Variants in CPNE5 observed in about 807,000 individuals in gnomAD.
CPNE5 encodes copine 5.
Under a neutral mutation model 81.1 loss-of-function variants are expected in CPNE5, and 42 were observed. The ratio of observed to expected loss-of-function variants is 0.52; its 90% CI spans 0.40 to 0.67. The LOEUF (loss-of-function observed/expected upper bound fraction) is 0.67, where lower values mean the gene tolerates loss of function less well. Ranked by LOEUF, CPNE5 falls within the 30% of genes least tolerant of loss-of-function variation. CPNE5 has a pLI of 0.00. For missense variants in CPNE5, 612 were observed against 815.5 expected (o/e 0.75, Z 3.04); for synonymous variants, 313 against 321.5 (o/e 0.97, Z 0.28).
In CPNE5 at chr6:36,742,353, C is replaced by G. The variant is rs747767268; in HGVS notation, c.1697G>C (p.Arg566Pro). 1 of 1,613,142 alleles carries G rather than the reference C, an allele frequency of 6.2e-7. No individual in the cohort carries two copies. The highest frequency in any genetic ancestry group is 8.5e-7 in the Non-Finnish European group (1 of 1,179,912). Residue 566 changes from arginine (R) to proline (P), a missense_variant, in exon 21 of 21, where the codon CGT becomes CCT. Physicochemically the swap from Arg to Pro is moderately radical, Grantham distance 103. Coordinates refer to ENST00000244751, the MANE Select transcript of CPNE5 (RefSeq NM_020939.2). ...GTGGGTTGGTGCTGCGGGTGGGGGACGCGGGCGAATGCCCTGTGCCTTCAT... is the reference window on the plus strand; with the variant it reads ...GTGGGTTGGTGCTGCGGGTGGGGGAGGCGGGCGAATGCCCTGTGCCTTCAT... ...SYMKAQGIRP[R>P]PPPAAPTHSP... is the part of the protein sequence containing the mutation.
At chr6:36,822,208 A>G (rs1411053853) in intron 2 of CPNE5, 48 bp from the exon 3 acceptor site, 1 of 1,422,850 alleles carries the variant, frequency 7.0e-7, no homozygotes, top group African/African-American at 1.4e-5. Flanking sequence ...GCCAAGAGGA[A>G]GGAGGGGTCC....
chr6:36,805,455 C>T (rs78985287), intron 3 of CPNE5, among the ~76,000 whole-genome samples: 13 of 152,356 alleles, frequency 8.5e-5, no homozygotes, highest in African/African-American at 3.1e-4. Flanking sequence ...CACAGACCAC[C>T]AAACACTGGT....
At chr6:36,801,782 G>T (rs1050149489) in intron 3 of CPNE5, among the ~76,000 whole-genome samples, 10 of 152,168 alleles carry the variant, frequency 6.6e-5, no homozygotes, top group African/African-American at 2.4e-4. Flanking sequence ...AAGTAGAATG[G>T]CAGTGACCAG....
rs1367264858 is a variant in CPNE5, at chr6:36,741,108, C to T, written c.*1160G>A. 2 of 152,260 alleles carry T rather than the reference C, an allele frequency of 1.3e-5. No individual in the cohort carries two copies. The highest frequency in any genetic ancestry group is 6.5e-5 in the Admixed American group (1 of 15,280). The allele number at this position is 152,260 out of a possible 1,614,324, so 9.4% of individuals were successfully genotyped here. A position where few individuals can be genotyped will look rare whatever the true frequency, so the allele number is the denominator to read the frequency against. Reference sequence around the variant, plus strand: ...CGGGCTCAGATGCCAGAGCCCCAGGCTGAAGGACTAGGGTATGTTTGGGGT... The same window carrying T: ...CGGGCTCAGATGCCAGAGCCCCAGGTTGAAGGACTAGGGTATGTTTGGGGT... On this transcript the variant is annotated 3_prime_UTR_variant, in exon 21 of 21. Coordinates refer to ENST00000244751, the MANE Select transcript of CPNE5 (RefSeq NM_020939.2).
At chr6:36,796,405 T>C (rs946888079) in intron 6 of CPNE5, among the ~76,000 whole-genome samples, 3 of 152,198 alleles carry the variant, frequency 2.0e-5, no homozygotes, top group African/African-American at 7.2e-5. Flanking sequence ...CCCAAATGAC[T>C]AGTGGCTTTG....
At chr6:36,833,078 C>G (rs1180128059) in intron 1 of CPNE5, among the ~76,000 whole-genome samples, 1 of 152,156 alleles carries the variant, frequency 6.6e-6, no homozygotes, top group Non-Finnish European at 1.5e-5. Context: ...TTGGTCACAC[C>G]TACCATAGTT....
chr6:36,747,252 T>TCCG (rs1554193572), intron 15 of CPNE5, among the ~76,000 whole-genome samples: 3 of 127,662 alleles, frequency 2.3e-5, no homozygotes, highest in East Asian at 4.3e-4. Context: ...TGGCTTGATT[T>TCCG]CCCCCCCCAG....
chr6:36,793,419 G>A (rs543447913), intron 7 of CPNE5, among the ~76,000 whole-genome samples: 8 of 152,236 alleles, frequency 5.3e-5, no homozygotes, highest in Non-Finnish European at 1.0e-4. Context: ...CCACCCGCTG[G>A]TCTGGTCCTC....
intron 3 of CPNE5, 101 bp downstream of exon 3, chr6:36,822,013 C>T (rs1167631278): frequency 1.8e-6 from 2 of 1,102,342 alleles, no homozygotes; most frequent in Non-Finnish European, 2.6e-6. Flanking sequence ...GGCTTGGATG[C>T]TGCAGTTAGA....
intron 8 of CPNE5, among the ~76,000 whole-genome samples, chr6:36,785,932 G>A (rs1768493135): frequency 6.9e-6 from 1 of 144,390 alleles, no homozygotes; most frequent in Admixed American, 7.4e-5. Context: ...AGAATTGCTT[G>A]AACCCGGGAG....
intron 6 of CPNE5, among the ~76,000 whole-genome samples, chr6:36,797,527 C>T (rs1769701249): frequency 6.6e-6 from 1 of 152,222 alleles, no homozygotes; most frequent in Non-Finnish European, 1.5e-5. Flanking sequence ...GCCCCTGGTA[C>T]TTCCTGAGAA....
chr6:36,835,956 C>T (rs66566790), intron 1 of CPNE5, among the ~76,000 whole-genome samples: 20,075 of 152,162 alleles, frequency 0.13, 1,564 homozygotes, highest in African/African-American at 0.2. Flanking sequence ...ATTTAAGCCT[C>T]ATAACTGATA....
At chr6:36,802,030 C>A (rs946593760) in intron 3 of CPNE5, among the ~76,000 whole-genome samples, 4 of 151,910 alleles carry the variant, frequency 2.6e-5, no homozygotes, top group African/African-American at 9.7e-5. Context: ...ACCATCCTGG[C>A]CAACATGGTG....
chr6:36,799,854 C>T (rs181864004), intron 4 of CPNE5, 113 bp downstream of exon 4: 7 of 758,668 alleles, frequency 9.2e-6, no homozygotes, highest in African/African-American at 3.4e-5. Flanking sequence ...CCCAGGCCAA[C>T]CCTGGGCTCC....
At chr6:36,816,333 G>A (rs1771539947) in intron 3 of CPNE5, among the ~76,000 whole-genome samples, 1 of 152,214 alleles carries the variant, frequency 6.6e-6, no homozygotes, top group African/African-American at 2.4e-5. Flanking sequence ...ATGAAATGTG[G>A]TGACAGATTT....
chr6:36,799,937 G>A (rs778966981), intron 4 of CPNE5, 30 bp downstream of exon 4: 3 of 1,498,530 alleles, frequency 2.0e-6, no homozygotes, highest in East Asian at 4.5e-5. Flanking sequence ...TCCCCACCTG[G>A]CTGCATCTTC....
intron 1 of CPNE5, among the ~76,000 whole-genome samples, chr6:36,829,871 A>C (rs1393797213): frequency 4.4e-5 from 5 of 113,612 alleles, no homozygotes; most frequent in Admixed American, 8.6e-5. Context: ...AAAAAAAAAT[A>C]CCCAACAGGA....
chr6:36,811,960 T>C (rs1467425666), intron 3 of CPNE5, among the ~76,000 whole-genome samples: 1 of 151,136 alleles, frequency 6.6e-6, no homozygotes, highest in African/African-American at 2.4e-5. Flanking sequence ...AAAAATTAGC[T>C]GGGGGTGGTG....
chr6:36,798,316 A>G lies in CPNE5; in HGVS notation c.328-75T>C, dbSNP rs139261207. 5.1e-4 allele frequency: 774 copies of G among 1,530,674 alleles called. 2 individuals are homozygous for G. The African/African-American group carries it at 9.0e-3, about 18-fold the overall frequency. 94.8% of individuals were successfully genotyped at this position (1,530,674 alleles called of 1,614,324 possible). A position where few individuals can be genotyped will look rare whatever the true frequency, so the allele number is the denominator to read the frequency against. ...GCTATCCCACCTCCCCCATCGCCCAATTCCTGGAAGCGTGAGGGCCCTTAA... is the reference window on the plus strand; with the variant it reads ...GCTATCCCACCTCCCCCATCGCCCAGTTCCTGGAAGCGTGAGGGCCCTTAA... On this transcript the variant is annotated intron_variant, in intron 5 of 20. Coordinates refer to ENST00000244751, the MANE Select transcript of CPNE5 (RefSeq NM_020939.2).
Sources: allele counts gnomAD v4.1 joint callset (sites outside exome capture counted in the v4.1 genomes callset), GRCh38; gene constraint gnomAD v4.1.1; transcripts MANE v1.5; gene names NCBI Gene and HGNC (gene_info 2026-07-23, HGNC 2026-07-21).